ZNF131: variants seen among roughly 807,000 people sequenced by gnomAD.
ZNF131 encodes zinc finger and BTB domain containing 35, also known as zinc finger protein 131.
Under a neutral mutation model 60.0 loss-of-function variants are expected in ZNF131, and 7 were observed. That is an observed-to-expected ratio of 0.12 (90% confidence interval 0.07 to 0.22). The LOEUF is 0.22. Among genes scored for constraint, ZNF131 ranks in the 10% least tolerant of loss-of-function variants. ZNF131 has a pLI of 1.00. For synonymous variants in ZNF131, 257 were observed against 253.2 expected (o/e 1.01, Z -0.14); for missense variants, 493 against 740.9 (o/e 0.67, Z 3.88).
At chr5:43,170,947 T>G (rs1051173545) in intron 5 of ZNF131, among the ~76,000 whole-genome samples, 2 of 150,416 alleles carry the variant, frequency 1.3e-5, no homozygotes, top group African/African-American at 4.9e-5. Context: ...TTTTAAATTT[T>G]TTTTTAAATT....
intron 5 of ZNF131, among the ~76,000 whole-genome samples, chr5:43,164,861 A>C (rs946489164): frequency 2.0e-5 from 3 of 152,236 alleles, no homozygotes; most frequent in Admixed American, 6.5e-5. Context: ...CACATAAAGC[A>C]AACCGAACCC....
intron 5 of ZNF131, 183 bp from the exon 6 acceptor site, chr5:43,173,135 T>C (rs1462480373): frequency 1.9e-6 from 1 of 527,472 alleles, no homozygotes; most frequent in African/African-American, 1.9e-5. Context: ...TTAAATTTTA[T>C]TATTTTTGCT....
At chr5:43,125,337 G>A (rs915155832) in intron 3 of ZNF131, among the ~76,000 whole-genome samples, 1 of 151,242 alleles carries the variant, frequency 6.6e-6, no homozygotes, top group Non-Finnish European at 1.5e-5. Flanking sequence ...TTTAGCTCTT[G>A]TTACCCAGGC....
chr5:43,130,264 CAAAAAA>C (rs570313526), intron 3 of ZNF131, among the ~76,000 whole-genome samples: 4,991 of 68,670 alleles, frequency 0.073, 308 homozygotes, highest in Middle Eastern at 0.17. Flanking sequence ...ACTCTGTCTC[CAAAAAA>C]AAAAAAAAAA....
At chr5:43,167,932 C>G (rs1457374915) in intron 5 of ZNF131, 3 of 451,200 alleles carry the variant, frequency 6.6e-6, no homozygotes, top group African/African-American at 2.0e-5. Context: ...TCTTACAGTT[C>G]TGGATGCTAA....
intron 5 of ZNF131, among the ~76,000 whole-genome samples, chr5:43,172,732 C>G (rs1373127245): frequency 2.0e-5 from 3 of 151,872 alleles, no homozygotes; most frequent in Non-Finnish European, 4.4e-5. Context: ...GTGCCTCTTT[C>G]TTTTTTTTCT....
In ZNF131 at chr5:43,176,316, A is replaced by G. The variant is rs1427542604; in HGVS notation, c.*1183A>G. ...TTTACATTTTTTAAGTAAACTTTAAAATTATGTGTTCATGACTCTTTTTTA... is the reference window on the plus strand; with the variant it reads ...TTTACATTTTTTAAGTAAACTTTAAGATTATGTGTTCATGACTCTTTTTTA... On this transcript the variant is annotated 3_prime_UTR_variant, in exon 7 of 7. Coordinates refer to ENST00000682664, the MANE Select transcript of ZNF131 (RefSeq NM_001330707.2). 1 of 152,176 alleles carries G rather than the reference A, an allele frequency of 6.6e-6. No individual in the cohort carries two copies. Among genetic ancestry groups the G allele is most frequent in the Non-Finnish European group, 1.5e-5 (1 of 68,020 alleles). 9.4% of individuals were successfully genotyped at this position (152,176 alleles called of 1,614,324 possible). A position where few individuals can be genotyped will look rare whatever the true frequency, so the allele number is the denominator to read the frequency against.
chr5:43,138,558 A>G (rs1444558979), intron 3 of ZNF131, among the ~76,000 whole-genome samples: 2 of 152,176 alleles, frequency 1.3e-5, no homozygotes, highest in Non-Finnish European at 2.9e-5. Flanking sequence ...AGGTTGAGAC[A>G]GGAGAATCTC....
At chr5:43,168,589 A>T (rs1225164748) in intron 5 of ZNF131, among the ~76,000 whole-genome samples, 1 of 152,212 alleles carries the variant, frequency 6.6e-6, no homozygotes, top group Non-Finnish European at 1.5e-5. Flanking sequence ...TTATTTTCAT[A>T]AATTCCATAA....
chr5:43,163,214 G>A (rs536766357), intron 5 of ZNF131, among the ~76,000 whole-genome samples: 15 of 151,966 alleles, frequency 9.9e-5, no homozygotes, highest in African/African-American at 3.1e-4. Context: ...TCCTGACCTC[G>A]TGATCCGCTA....
intron 4 of ZNF131, among the ~76,000 whole-genome samples, chr5:43,140,296 C>T (rs1051327010): frequency 5.9e-5 from 9 of 152,186 alleles, no homozygotes; most frequent in African/African-American, 2.2e-4. Flanking sequence ...TGAATAATGG[C>T]AGTGTAACAT....
At chr5:43,125,475 T>C (rs1057010893) in intron 3 of ZNF131, among the ~76,000 whole-genome samples, 1 of 151,540 alleles carries the variant, frequency 6.6e-6, no homozygotes, top group Admixed American at 6.6e-5. Context: ...GCAGAATTTT[T>C]AAGTCTTAAA....
chr5:43,123,141 A>G (rs562478838), intron 2 of ZNF131, 68 bp from the exon 3 acceptor site: 141 of 1,288,404 alleles, frequency 1.1e-4, no homozygotes, highest in East Asian at 7.8e-4. Flanking sequence ...TTTTAAGTCT[A>G]TTTTGTAGTT....
intron 3 of ZNF131, chr5:43,123,561 G>C: frequency 3.1e-6 from 1 of 321,024 alleles, no homozygotes; most frequent in Non-Finnish European, 5.7e-6. Flanking sequence ...TTAGATGGTA[G>C]ATGTTGGTCT....
At chr5:43,173,548 C>T (rs1263445584) in intron 6 of ZNF131, 100 bp downstream of exon 6, 1 of 1,390,078 alleles carries the variant, frequency 7.2e-7, no homozygotes, top group Non-Finnish European at 9.6e-7. Context: ...GGTATAGGGG[C>T]TGACGGTTTG....
rs186646114 is a variant in ZNF131 at position 43,149,788 on chromosome 5, A to G, written c.371+10479A>G. Among the ~76,000 whole-genome samples the G allele has an allele frequency of 3.8e-3, 561 of 147,512 alleles. 4 individuals carry two copies. The highest frequency in any genetic ancestry group is 5.6e-3 in the Non-Finnish European group (368 of 65,500). On this transcript the variant is annotated intron_variant, in intron 4 of 6. Coordinates refer to ENST00000682664, the MANE Select transcript of ZNF131 (RefSeq NM_001330707.2). ...TTTCTCTAATGACTAATGGTGTTGG[A>G]TATTTTTTAATCGGCTTTTTTGCCA...
Position 43,172,430 on chromosome 5 carries a change from G to A in ZNF131, c.1055-888G>A, listed in dbSNP as rs546443321. 5.3e-4 allele frequency among the ~76,000 whole-genome samples: 81 copies of A among 152,290 alleles called. No homozygotes were observed. In the South Asian group the frequency reaches 0.016, roughly 30 times the overall value. On this transcript the variant is annotated intron_variant, in intron 5 of 6. Transcript: ENST00000682664. Reference sequence around the variant, plus strand: ...GAGGTCAGGAGTTTGAGACCAGCCTGGCCAACATGGTGAAACCCCGTCTAT... The same window carrying A: ...GAGGTCAGGAGTTTGAGACCAGCCTAGCCAACATGGTGAAACCCCGTCTAT...
In ZNF131 at chr5:43,174,915, C is replaced by A. The variant is rs1289565136; in HGVS notation, c.1654C>A (p.Pro552Thr). Residue 552 changes from proline (P) to threonine (T), a missense_variant, in exon 7 of 7, where the codon CCA (proline) becomes ACA (threonine). By Grantham distance (38) the Pro-to-Thr change is conservative. This residue lies in a region of ZNF131 where 202 missense variants were observed against 221.3 expected (regional missense o/e 0.91). Coordinates refer to ENST00000682664, the MANE Select transcript of ZNF131 (RefSeq NM_001330707.2). Reference protein sequence around the residue: ...ELHVERVNQMPVEVQTELLEA... With the variant: ...ELHVERVNQMTVEVQTELLEA... ...GCATGTTGAACGGGTCAATCAAATGCCAGTGGAAGTACAAACTGAACTTCT... is the reference window on the plus strand; with the variant it reads ...GCATGTTGAACGGGTCAATCAAATGACAGTGGAAGTACAAACTGAACTTCT... 1 of 1,614,042 alleles carries A rather than the reference C, an allele frequency of 6.2e-7. No individual in the cohort carries two copies.
intron 3 of ZNF131, among the ~76,000 whole-genome samples, chr5:43,138,009 T>G (rs1746343429): frequency 6.6e-6 from 1 of 152,272 alleles, no homozygotes; most frequent in Non-Finnish European, 1.5e-5. Context: ...ATGAGGAATC[T>G]AAAATAGTCA....
Sources: gnomAD v4.1 joint callset for allele counts (sites outside exome capture counted in the v4.1 genomes callset) on GRCh38, gnomAD v4.1.1 for gene constraint, gnomAD v4.1.1 regional missense constraint, MANE v1.5 for transcripts, NCBI Gene and HGNC (gene_info 2026-07-23, HGNC 2026-07-21) for gene names.